The following OSBPL10 variants were observed in gnomAD, a reference collection of about 807,000 sequenced individuals.
The protein encoded by OSBPL10 is oxysterol-binding protein-related protein 10.
A neutral mutation model predicts 81.7 loss-of-function variants in OSBPL10; 49 were observed. The ratio of observed to expected loss-of-function variants is 0.60; its 90% CI spans 0.48 to 0.76. The LOEUF (loss-of-function observed/expected upper bound fraction) is 0.76, where lower values mean the gene tolerates loss of function less well. Among genes scored for constraint, OSBPL10 ranks in the 30% least tolerant of loss-of-function variants. The pLI is 0.00. For missense variants in OSBPL10, 923 were observed against 987.8 expected (o/e 0.93, Z 0.88); for synonymous variants, 419 against 383.6 (o/e 1.09, Z -1.08).
At chr3:31,802,375 T>A (rs1170888182) in intron 4 of OSBPL10, among the ~76,000 whole-genome samples, 1 of 150,122 alleles carries the variant, frequency 6.7e-6, no homozygotes, top group Non-Finnish European at 1.5e-5. Flanking sequence ...CTGGGCAACA[T>A]GGTGAAACCC....
chr3:32,046,745 C>T (rs1276378818), intron 1 of OSBPL10: 2 of 152,238 alleles, frequency 1.3e-5, no homozygotes, highest in East Asian at 3.8e-4. Context: ...CATTCACTAT[C>T]ATTTACATGA....
intron 1 of OSBPL10, among the ~76,000 whole-genome samples, chr3:31,921,279 A>G (rs4532171): frequency 6.6e-6 from 1 of 151,974 alleles, no homozygotes; most frequent in Non-Finnish European, 1.5e-5. Context: ...AAAAATGATA[A>G]CCCCATGGCA....
At chr3:31,873,577 T>A (rs1701383461) in intron 3 of OSBPL10, among the ~76,000 whole-genome samples, 1 of 152,214 alleles carries the variant, frequency 6.6e-6, no homozygotes, top group South Asian at 2.1e-4. Context: ...AACACAATGT[T>A]ATTTTTTTCC....
At chr3:31,796,871 C>T (rs1559469296) in intron 4 of OSBPL10, among the ~76,000 whole-genome samples, 2 of 152,260 alleles carry the variant, frequency 1.3e-5, no homozygotes, top group East Asian at 3.9e-4. Context: ...CAGTAATAGA[C>T]ACCTTTCCTC....
At chr3:31,915,700 A>G (rs1696734792) in intron 1 of OSBPL10, among the ~76,000 whole-genome samples, 1 of 152,096 alleles carries the variant, frequency 6.6e-6, no homozygotes, top group Non-Finnish European at 1.5e-5. Context: ...AAACGTGAGC[A>G]TCACTCAGTA....
intron 2 of OSBPL10, chr3:31,990,219 T>C: frequency 6.2e-7 from 1 of 1,614,052 alleles, no homozygotes; most frequent in East Asian, 2.2e-5. Context: ...AAGCCTTTAG[T>C]GGGCAGTCAA....
At position 31,683,831 on chromosome 3, in the gene OSBPL10, C is replaced by G; in HGVS notation, c.1529G>C (p.Ser510Thr). 1.2e-6 allele frequency: 2 copies of G among 1,614,238 alleles called. No individual in the cohort carries two copies. The highest frequency in any genetic ancestry group is 1.7e-6 in the Non-Finnish European group (2 of 1,180,052). The change falls in exon 8 of 12, where the codon AGC becomes ACC. Residue 510 changes from serine (S) to threonine (T), a missense_variant. Physicochemically the swap from Ser to Thr is moderately conservative, Grantham distance 58. Around this residue, in one of 3 missense-constraint regions of OSBPL10, gnomAD observed 387 missense variants for 436.3 expected, o/e 0.89. Transcript: ENST00000396556. ...PKRTASRSPASCHEHPMADDP... is the reference protein window; with the variant it reads ...PKRTASRSPATCHEHPMADDP... ...ATCGGCCATTGGGTGTTCGTGACAGCTGGCAGGAGAGCGGGAAGCAGTCCT... is the reference window on the plus strand; with the variant it reads ...ATCGGCCATTGGGTGTTCGTGACAGGTGGCAGGAGAGCGGGAAGCAGTCCT...
intron 1 of OSBPL10, among the ~76,000 whole-genome samples, chr3:31,905,128 A>C (rs74455462): frequency 6.6e-6 from 1 of 152,186 alleles, no homozygotes; most frequent in Non-Finnish European, 1.5e-5. Context: ...TATTAATAAC[A>C]TAAATGAAGG....
At chr3:31,798,797 C>CAA (rs889243382) in intron 4 of OSBPL10, among the ~76,000 whole-genome samples, 7 of 152,126 alleles carry the variant, frequency 4.6e-5, no homozygotes, top group African/African-American at 1.4e-4. Context: ...GTCCTGTATA[C>CAA]AAAGAGCTTG....
intron 4 of OSBPL10, among the ~76,000 whole-genome samples, chr3:31,773,998 C>T (rs956041833): frequency 2.0e-5 from 3 of 151,936 alleles, no homozygotes; most frequent in Non-Finnish European, 4.4e-5. Context: ...CCCGTCTCTA[C>T]TAAAAATACA....
chr3:31,778,201 C>A (rs142391313), intron 4 of OSBPL10, among the ~76,000 whole-genome samples: 1 of 152,206 alleles, frequency 6.6e-6, no homozygotes, highest in Admixed American at 6.5e-5. Context: ...GCAAGACTGG[C>A]CTTGCCAACT....
At position 31,956,689 on chromosome 3, in the gene OSBPL10, T is replaced by C. The variant is rs573907503; in HGVS notation, c.281+24210A>G. On this transcript the variant is annotated intron_variant, in intron 1 of 11. Transcript: ENST00000396556. ...GTTGCACTGAGCCGAGATTGCGCCATTGCACTCCAACCTGGGCGACAAGAG... is the reference window on the plus strand; with the variant it reads ...GTTGCACTGAGCCGAGATTGCGCCACTGCACTCCAACCTGGGCGACAAGAG... 2.0e-5 allele frequency among the ~76,000 whole-genome samples: 3 copies of C among 151,732 alleles called. No homozygotes were observed. In the South Asian group the frequency reaches 6.3e-4, roughly 32 times the overall value.
intron 6 of OSBPL10, among the ~76,000 whole-genome samples, chr3:31,705,775 ATC>A (rs1696044943): frequency 6.6e-6 from 1 of 152,130 alleles, no homozygotes; most frequent in Admixed American, 6.5e-5. Flanking sequence ...CCCTCTCTGA[ATC>A]TCTGCGAATT....
intron 11 of OSBPL10, 139 bp downstream of exon 11, chr3:31,663,940 C>T (rs1559403938): frequency 2.5e-6 from 4 of 1,581,562 alleles, no homozygotes; most frequent in South Asian, 2.3e-5. Context: ...AAGCTGGAGT[C>T]AGAACCGAGC....
intron 1 of OSBPL10, among the ~76,000 whole-genome samples, chr3:31,908,962 G>T (rs1696497207): frequency 1.3e-5 from 2 of 151,860 alleles, no homozygotes; most frequent in South Asian, 4.1e-4. Flanking sequence ...CAGGTCAAGG[G>T]CCTTCTGAAA....
At chr3:31,974,539 G>A (rs900155595) in intron 1 of OSBPL10, among the ~76,000 whole-genome samples, 3 of 152,056 alleles carry the variant, frequency 2.0e-5, no homozygotes, top group Non-Finnish European at 2.9e-5. Flanking sequence ...TTCATACCAC[G>A]GAATACCAAA....
At chr3:31,876,354 T>C in intron 3 of OSBPL10, 79 bp downstream of exon 3, 1 of 1,242,074 alleles carries the variant, frequency 8.1e-7, no homozygotes, top group Non-Finnish European at 1.2e-6. Flanking sequence ...GAAAAACACC[T>C]TCCCCGAAGA....
intron 7 of OSBPL10, among the ~76,000 whole-genome samples, chr3:31,685,333 G>C (rs1700763860): frequency 6.6e-6 from 1 of 152,168 alleles, no homozygotes; most frequent in Non-Finnish European, 1.5e-5. Flanking sequence ...CTCCTGAGTA[G>C]CTGGGACTAC....
intron 3 of OSBPL10, among the ~76,000 whole-genome samples, chr3:31,852,575 T>TTTCG (rs1553633712): frequency 6.6e-6 from 1 of 150,996 alleles, no homozygotes; most frequent in African/African-American, 2.4e-5. Context: ...TTTTTCCTTT[T>TTTCG]TTTGTTTGTT....
Sources: allele counts gnomAD v4.1 joint callset (sites outside exome capture counted in the v4.1 genomes callset), GRCh38; gene constraint gnomAD v4.1.1; regional missense constraint gnomAD v4.1.1; transcripts MANE v1.5; gene names NCBI Gene and HGNC (gene_info 2026-07-23, HGNC 2026-07-21).